The following SMPDL3B variants were observed in gnomAD, a reference collection of about 807,000 sequenced individuals.
SMPDL3B encodes the protein sphingomyelin phosphodiesterase acid like 3B.
Under a neutral mutation model 37.9 loss-of-function variants are expected in SMPDL3B, and 31 were observed. That is an observed-to-expected ratio of 0.82 (90% CI 0.61 to 1.10). The LOEUF is 1.10. SMPDL3B is among the 50% of genes least tolerant of loss of function. The pLI is 0.00. For missense variants in SMPDL3B, 525 were observed against 597.8 expected, an observed-to-expected ratio of 0.88 and a Z score of 1.27; for synonymous variants, 235 against 242.6, an observed-to-expected ratio of 0.97 and a Z score of 0.29.
rs377357984 is a variant in SMPDL3B at position 27,958,714 on chromosome 1, G to A, written c.1244G>A (p.Cys415Tyr). 5 of 1,613,756 alleles carry A rather than the reference G, an allele frequency of 3.1e-6. No individual in the cohort carries two copies. Among genetic ancestry groups the A allele is most frequent in the Non-Finnish European group, 4.2e-6 (5 of 1,180,044 alleles). The part of the protein sequence containing the change: ...CDEACSMQHV[C>Y]AMRQVDIDAY... ...GAGGCCTGCAGCATGCAGCACGTGT[G>A]TGCCATGCGCCAGGTGGACATTGAC... Residue 415 changes from cysteine (C) to tyrosine (Y), a missense_variant, in exon 8 of 8, where the codon TGT (cysteine) becomes TAT (tyrosine). Transcript: ENST00000373894. The surrounding 1 kb of genome is among the most constrained non-coding windows in gnomAD (Gnocchi z 5.6).
chr1:27,954,587 T>C, intron 5 of SMPDL3B, 61 bp downstream of exon 5: 1 of 1,546,810 alleles, frequency 6.5e-7, no homozygotes, highest in South Asian at 1.2e-5. Flanking sequence ...AGTCTCCCGC[T>C]TGGCACAAAC....
At chr1:27,940,037 G>A (rs968472847) in intron 1 of SMPDL3B, among the ~76,000 whole-genome samples, 1 of 152,172 alleles carries the variant, frequency 6.6e-6, no homozygotes, top group Non-Finnish European at 1.5e-5. Context: ...TAGAGTCAAT[G>A]CATTTTTTTC....
chr1:27,949,230 C>A, intron 3 of SMPDL3B, 68 bp downstream of exon 3: 1 of 1,508,388 alleles, frequency 6.6e-7, no homozygotes, highest in Non-Finnish European at 9.2e-7. Flanking sequence ...CACAGTGGGA[C>A]AACAGCAGCA....
intron 5 of SMPDL3B, 149 bp from the exon 6 acceptor site, chr1:27,955,535 G>A: frequency 1.3e-6 from 1 of 741,212 alleles, no homozygotes; most frequent in Non-Finnish European, 2.3e-6. Context: ...CAGGGAGAAA[G>A]TGGGACATGG....
At position 27,958,729 on chromosome 1, in the gene SMPDL3B, T is replaced by C. The variant is rs778373494; in HGVS notation, c.1259T>C (p.Val420Ala). ...CAGCACGTGTGTGCCATGCGCCAGG[T>C]GGACATTGACGCTTACACCACCTGT... Reference protein sequence around the residue: ...SMQHVCAMRQVDIDAYTTCLY... With the variant: ...SMQHVCAMRQADIDAYTTCLY... Residue 420 changes from valine to alanine, a missense_variant, in exon 8 of 8, where the codon GTG (valine) becomes GCG (alanine). By Grantham distance (64) the Val-to-Ala change is moderately conservative. Coordinates refer to ENST00000373894, the MANE Select transcript of SMPDL3B (RefSeq NM_014474.4). This position sits in a 1 kb window ranked among gnomAD's most constrained non-coding sequence, Gnocchi z 5.6. 6.2e-7 allele frequency: 1 copy of C among 1,613,790 alleles called. No homozygotes were observed. Among genetic ancestry groups the C allele is most frequent in the South Asian group, 1.1e-5 (1 of 91,086 alleles).
chr1:27,940,452 C>T (rs2090347831), intron 1 of SMPDL3B, among the ~76,000 whole-genome samples: 1 of 26,738 alleles, frequency 3.7e-5, no homozygotes, highest in Non-Finnish European at 1.0e-4. Context: ...ATGAAATCAT[C>T]TCACATTTCT....
Position 27,958,890 on chromosome 1 carries a change from G to T in SMPDL3B, c.*52G>T. On this transcript the variant is annotated 3_prime_UTR_variant, in exon 8 of 8. Transcript: ENST00000373894. The surrounding 1 kb of genome is among the most constrained non-coding windows in gnomAD (Gnocchi z 5.6). ...AACGGGTAACGGGGGCAGCGCCCAG[G>T]ATCACCCAGAGCTGGGCCTTCCACC... is the stretch of plus-strand genomic sequence containing the variant. 6.7e-7 allele frequency: 1 copy of T among 1,490,126 alleles called. No individual in the cohort carries two copies. Among genetic ancestry groups the T allele is most frequent in the East Asian group, 2.4e-5 (1 of 40,856 alleles). The allele number at this position is 1,490,126 out of a possible 1,614,324, so 92.3% of individuals were successfully genotyped here. A position where few individuals can be genotyped will look rare whatever the true frequency, so the allele number is the denominator to read the frequency against.
At chr1:27,957,346 G>A (rs1385283618) in intron 7 of SMPDL3B, among the ~76,000 whole-genome samples, 1 of 152,114 alleles carries the variant, frequency 6.6e-6, no homozygotes, top group Non-Finnish European at 1.5e-5. Context: ...AAAAAGGGAC[G>A]AATCCAGGAG....
intron 1 of SMPDL3B, among the ~76,000 whole-genome samples, chr1:27,941,843 C>G (rs2148674047): frequency 6.6e-6 from 1 of 152,272 alleles, no homozygotes; most frequent in Non-Finnish European, 1.5e-5. Context: ...GACAAGGTCG[C>G]TGGGATCTGC....
chr1:27,953,720 A>G (rs1222711743), intron 4 of SMPDL3B, among the ~76,000 whole-genome samples: 3 of 152,164 alleles, frequency 2.0e-5, no homozygotes, highest in African/African-American at 7.2e-5. Flanking sequence ...GGGCTGGATA[A>G]CTCTGTCGCA....
intron 1 of SMPDL3B, among the ~76,000 whole-genome samples, chr1:27,940,848 C>T (rs1458813386): frequency 6.6e-6 from 1 of 152,156 alleles, no homozygotes; most frequent in Non-Finnish European, 1.5e-5. Flanking sequence ...CATTAAAGTA[C>T]CCAGGCGCCC....
intron 2 of SMPDL3B, 48 bp from the exon 3 acceptor site, chr1:27,949,017 C>T: frequency 6.2e-7 from 1 of 1,613,616 alleles, no homozygotes; most frequent in South Asian, 1.1e-5. Context: ...TTTTCTTCTG[C>T]TGCTTCCTGA....
intron 4 of SMPDL3B, 35 bp from the exon 5 acceptor site, chr1:27,954,319 G>A (rs758063114): frequency 1.3e-6 from 2 of 1,590,662 alleles, no homozygotes; most frequent in African/African-American, 2.7e-5. Context: ...GGCCAGAGGT[G>A]GGGGCCTCCT....
At position 27,956,589 on chromosome 1, in the gene SMPDL3B, C is replaced by T. The variant is rs1240144465; in HGVS notation, c.1005+507C>T. 22 of 679,168 alleles carry T rather than the reference C, an allele frequency of 3.2e-5. No homozygotes were observed. The Admixed American group carries it at 1.1e-3, about 33-fold the overall frequency. 42.1% of individuals were successfully genotyped at this position (679,168 alleles called of 1,614,324 possible). A position where few individuals can be genotyped will look rare whatever the true frequency, so the allele number is the denominator to read the frequency against. On this transcript the variant is annotated intron_variant, in intron 7 of 7. Transcript: ENST00000373894. ...GCAGTCCCTCACCTCGTAGGATGAGCTTGTGGTTGTTGAGATGAAAAATAT... is the reference window on the plus strand; with the variant it reads ...GCAGTCCCTCACCTCGTAGGATGAGTTTGTGGTTGTTGAGATGAAAAATAT...
chr1:27,950,676 C>G (rs2090448694), intron 3 of SMPDL3B, among the ~76,000 whole-genome samples: 1 of 152,152 alleles, frequency 6.6e-6, no homozygotes, highest in Non-Finnish European at 1.5e-5. Flanking sequence ...GTCGCCCAAG[C>G]TAAAGTGCAG....
rs764794646 is a variant in SMPDL3B at position 27,945,428 on chromosome 1, C to T, written c.258C>T (p.Asp86=). The change falls in exon 2 of 8, where the codon GAC becomes GAT. Residue 86 remains aspartate, a synonymous_variant. Transcript: ENST00000373894. This position sits in a 1 kb window ranked among gnomAD's most constrained non-coding sequence, Gnocchi z 4.0. ...TGAAGGAGATTGAGCCAGAGCCAGA[C>T]TTCATTCTCTGGACTGGGTGAGTAC... ...YAMKEIEPEP[D]FILWTGDDTP... is the part of the protein sequence containing the mutation. 1.9e-6 allele frequency: 3 copies of T among 1,614,040 alleles called. No individual in the cohort carries two copies. The South Asian group carries it at 3.3e-5, about 18-fold the overall frequency.
intron 1 of SMPDL3B, among the ~76,000 whole-genome samples, chr1:27,937,137 G>A (rs1399582301): frequency 6.6e-6 from 1 of 152,250 alleles, no homozygotes; most frequent in East Asian, 1.9e-4. Flanking sequence ...CAGGGGATCA[G>A]ACAGCATCAT....
intron 2 of SMPDL3B, among the ~76,000 whole-genome samples, chr1:27,946,391 C>T (rs2090407665): frequency 6.6e-6 from 1 of 151,932 alleles, no homozygotes; most frequent in Admixed American, 6.6e-5. Flanking sequence ...AAAGATACCC[C>T]CATCTCCTCG....
chr1:27,947,389 G>A (rs2148677051), intron 2 of SMPDL3B, among the ~76,000 whole-genome samples: 1 of 152,042 alleles, frequency 6.6e-6, no homozygotes, highest in Non-Finnish European at 1.5e-5. Context: ...GAGGTACACA[G>A]CATCAGATGA....
Sources: gnomAD v4.1 joint callset for allele counts (sites outside exome capture counted in the v4.1 genomes callset) on GRCh38, gnomAD v4.1.1 for gene constraint, Gnocchi (gnomAD v3.1) non-coding constraint, MANE v1.5 for transcripts, NCBI Gene and HGNC (gene_info 2026-07-23, HGNC 2026-07-21) for gene names.